Variants in CDIN1 observed in about 807,000 individuals in gnomAD.
CDIN1 encodes CDAN1 interacting nuclease 1.
A neutral mutation model predicts 45.3 loss-of-function variants in CDIN1; 33 were observed. The ratio of observed to expected loss-of-function variants is 0.73; its 90% CI spans 0.55 to 0.97. The LOEUF (loss-of-function observed/expected upper bound fraction) is 0.97. CDIN1 is among the 50% of genes least tolerant of loss of function. CDIN1 has a pLI of 0.00. For synonymous variants in CDIN1, 118 were observed against 124.4 expected, an observed-to-expected ratio of 0.95 and a Z score of 0.34; for missense variants, 303 against 339.4, an observed-to-expected ratio of 0.89 and a Z score of 0.84.
chr15:36,709,784 G>A, intron 9 of CDIN1, 72 bp from the exon 10 acceptor site: 22 of 1,126,470 alleles, frequency 2.0e-5, no homozygotes, highest in Non-Finnish European at 2.6e-5. Flanking sequence ...AGCATAGAGA[G>A]GCCTGTACAG....
intron 1 of CDIN1, chr15:36,594,814 TA>T: frequency 2.5e-6 from 2 of 799,884 alleles, no homozygotes; most frequent in Non-Finnish European, 2.9e-6. Flanking sequence ...GTCCGGCACT[TA>T]AAATTTTTTT....
rs1208327819 is a variant in CDIN1 at position 36,724,147 on chromosome 15, A to C, written c.716+14186A>C. ...AAAGCCAGTGGAGTTTTTTGAATAG[A>C]AGAGTGACGTGATTAGGACCTAACT... On this transcript the variant is annotated intron_variant, in intron 10 of 10. Transcript: ENST00000566621. Among the ~76,000 whole-genome samples, 5 of 152,302 alleles carry C rather than the reference A, an allele frequency of 3.3e-5. No individual in the cohort carries two copies. In the South Asian group the frequency reaches 1.0e-3, roughly 32 times the overall value.
chr15:36,726,642 C>T, intron 10 of CDIN1, among the ~76,000 whole-genome samples: 1 of 152,148 alleles, frequency 6.6e-6, no homozygotes, highest in East Asian at 1.9e-4. Flanking sequence ...GACAGGTTTC[C>T]CTGCTGAAAC....
chr15:36,652,329 G>A (rs746311029), intron 3 of CDIN1, among the ~76,000 whole-genome samples: 6 of 152,062 alleles, frequency 3.9e-5, no homozygotes, highest in Non-Finnish European at 5.9e-5. Flanking sequence ...AATACTTGTC[G>A]GGTAACTGAA....
intron 1 of CDIN1, among the ~76,000 whole-genome samples, chr15:36,593,180 G>T (rs1365697850): frequency 6.6e-6 from 1 of 152,134 alleles, no homozygotes; most frequent in Non-Finnish European, 1.5e-5. Context: ...TGTTGCAGTG[G>T]TATTTATGGT....
intron 10 of CDIN1, among the ~76,000 whole-genome samples, chr15:36,733,506 AT>A (rs999575207): frequency 6.6e-5 from 10 of 151,248 alleles, no homozygotes; most frequent in African/African-American, 1.2e-4. Context: ...AATGTATTGT[AT>A]TTTTTTTTCC....
chr15:36,679,438 C>T (rs1022929130), intron 5 of CDIN1, among the ~76,000 whole-genome samples: 2 of 152,132 alleles, frequency 1.3e-5, no homozygotes, highest in African/African-American at 4.8e-5. Flanking sequence ...AACAAGGATA[C>T]TGAGAGGTGT....
intron 10 of CDIN1, among the ~76,000 whole-genome samples, chr15:36,764,370 G>A (rs560491145): frequency 6.6e-6 from 1 of 152,166 alleles, no homozygotes; most frequent in South Asian, 2.1e-4. Flanking sequence ...CAGTTGTCTA[G>A]TAACATGTAA....
intron 1 of CDIN1, among the ~76,000 whole-genome samples, chr15:36,639,921 T>A (rs1486503424): frequency 6.6e-6 from 1 of 152,210 alleles, no homozygotes; most frequent in Admixed American, 6.5e-5. Flanking sequence ...GGATATTTGC[T>A]GTGGTTAGGC....
chr15:36,791,414 G>A lies in CDIN1; in HGVS notation c.717-16910G>A, dbSNP rs1401382734. ...ATTAAATGCAAATAAATATATAATT[G>A]TAACGTCTTTAAACTTATAGTTTGG... On this transcript the variant is annotated intron_variant, in intron 10 of 10. Coordinates refer to ENST00000566621, the MANE Select transcript of CDIN1 (RefSeq NM_001321759.2). Among the ~76,000 whole-genome samples, 3 of 152,188 alleles carry A rather than the reference G, an allele frequency of 2.0e-5. No homozygotes were observed. The South Asian group carries it at 6.2e-4, about 32-fold the overall frequency.
chr15:36,630,340 G>A (rs2039626913), intron 1 of CDIN1, among the ~76,000 whole-genome samples: 1 of 152,170 alleles, frequency 6.6e-6, no homozygotes, highest in African/African-American at 2.4e-5. Context: ...TCTTAGGGCT[G>A]TAAGTAGAGA....
At chr15:36,680,101 C>T (rs1195448160) in intron 5 of CDIN1, among the ~76,000 whole-genome samples, 1 of 152,184 alleles carries the variant, frequency 6.6e-6, no homozygotes, top group East Asian at 1.9e-4. Flanking sequence ...TGGCCTGAGA[C>T]ATCATGGCAG....
chr15:36,801,548 A>C (rs184932628), intron 10 of CDIN1, among the ~76,000 whole-genome samples: 1 of 152,268 alleles, frequency 6.6e-6, no homozygotes, highest in East Asian at 1.9e-4. Flanking sequence ...ACGTTCACTT[A>C]GACCCGTTGC....
intron 10 of CDIN1, among the ~76,000 whole-genome samples, chr15:36,725,136 C>T (rs1028464155): frequency 2.0e-5 from 3 of 152,104 alleles, no homozygotes; most frequent in African/African-American, 7.2e-5. Context: ...GTCTGACCTT[C>T]CTGCAACACC....
At chr15:36,748,467 CCTTGCCCAACA>C (rs2044524473) in intron 10 of CDIN1, among the ~76,000 whole-genome samples, 1 of 152,104 alleles carries the variant, frequency 6.6e-6, no homozygotes, top group Non-Finnish European at 1.5e-5. Context: ...CAAACTGTCT[CCTTGCCCAACA>C]AAGTTTGCCT....
intron 3 of CDIN1, among the ~76,000 whole-genome samples, chr15:36,651,203 A>G (rs912438678): frequency 6.6e-6 from 1 of 152,240 alleles, no homozygotes; most frequent in Non-Finnish European, 1.5e-5. Flanking sequence ...TGAGAATGAC[A>G]TCTGTATATC....
intron 1 of CDIN1, among the ~76,000 whole-genome samples, chr15:36,630,720 G>A (rs554322261): frequency 1.3e-5 from 2 of 152,326 alleles, no homozygotes; most frequent in South Asian, 2.1e-4. Flanking sequence ...AAGAAGCAGG[G>A]TGCTGGCTTC....
intron 1 of CDIN1, chr15:36,618,356 T>A (rs2140300341): frequency 2.9e-6 from 2 of 684,058 alleles, no homozygotes; most frequent in South Asian, 1.7e-5. Context: ...AGGAGCAAAC[T>A]TAACTTCAAA....
At chr15:36,645,767 TG>T (rs1298075792) in intron 3 of CDIN1, among the ~76,000 whole-genome samples, 2 of 152,090 alleles carry the variant, frequency 1.3e-5, no homozygotes, top group African/African-American at 4.8e-5. Context: ...ATTTTAGAAA[TG>T]AAAAAAGATG....
Sources: allele counts gnomAD v4.1 joint callset (sites outside exome capture counted in the v4.1 genomes callset), GRCh38; gene constraint gnomAD v4.1.1; transcripts MANE v1.5; gene names NCBI Gene and HGNC (gene_info 2026-07-23, HGNC 2026-07-21).